COL5A1: variants seen among roughly 807,000 people sequenced by gnomAD.
COL5A1 encodes collagen alpha-1(V) chain.
Under a neutral mutation model 263.7 loss-of-function variants are expected in COL5A1, and 16 were observed. That is an observed-to-expected ratio of 0.06 (90% CI 0.04 to 0.09). The LOEUF (loss-of-function observed/expected upper bound fraction) is 0.09, where lower values mean the gene tolerates loss of function less well. Among genes scored for constraint, COL5A1 ranks in the 10% least tolerant of loss-of-function variants. The probability of loss-of-function intolerance (pLI) is 1.00; values close to 1 mark genes in which losing one functional copy is unlikely to be tolerated. For missense variants in COL5A1, 2,036 were observed against 2,540.5 expected, an observed-to-expected ratio of 0.80 and a Z score of 4.27; for synonymous variants, 1,012 against 1,004.5, an observed-to-expected ratio of 1.01 and a Z score of -0.14.
rs769616159 is a variant in COL5A1, at chr9:134,752,839, G to A, written c.1719+194G>A. On this transcript the variant is annotated intron_variant, in intron 14 of 65. Coordinates refer to ENST00000371817, the MANE Select transcript of COL5A1 (RefSeq NM_000093.5). ...GTGCTGCTCCAGCCCCCTTGTTGGT[G>A]GGGGGTGGGGATGGGTGACTGTGCC... Among the ~76,000 whole-genome samples, 129 of 152,094 alleles carry A rather than the reference G, an allele frequency of 8.5e-4. 1 individual carries two copies. Among genetic ancestry groups the A allele is most frequent in the Non-Finnish European group, 9.1e-4 (62 of 67,986 alleles).
chr9:134,754,268 G>T lies in COL5A1; in HGVS notation c.1774-5G>T, dbSNP rs986884167. ...CACTGACCCTTTGTCTCTTACCCCT[G>T]GCAGGGTCCTCGAGGTGTGCAAGGC... is the stretch of plus-strand genomic sequence containing the variant. On this transcript the variant is annotated splice_polypyrimidine_tract_variant and splice_region_variant and intron_variant, in intron 15 of 65. Transcript: ENST00000371817. This position sits in a 1 kb window ranked among gnomAD's most constrained non-coding sequence, Gnocchi z 4.3. The T allele has an allele frequency of 6.2e-7, 1 of 1,613,758 alleles. No individual in the cohort carries two copies. Among genetic ancestry groups the T allele is most frequent in the Non-Finnish European group, 8.5e-7 (1 of 1,180,018 alleles).
intron 4 of COL5A1, among the ~76,000 whole-genome samples, chr9:134,710,845 T>G (rs1588460151): frequency 1.5e-4 from 7 of 46,566 alleles, no homozygotes; most frequent in Admixed American, 3.3e-4. Flanking sequence ...GGTGCAGTGG[T>G]GGGGGAGGGG....
intron 19 of COL5A1, among the ~76,000 whole-genome samples, chr9:134,762,328 C>A (rs1403606807): frequency 6.6e-6 from 1 of 152,234 alleles, no homozygotes; most frequent in Non-Finnish European, 1.5e-5. Flanking sequence ...CTCTGCTTAT[C>A]TCGTCCAGAT....
intron 50 of COL5A1, among the ~76,000 whole-genome samples, chr9:134,815,310 G>A (rs1324675699): frequency 1.3e-5 from 2 of 152,232 alleles, no homozygotes; most frequent in African/African-American, 4.8e-5. Context: ...ACCTGTGGGC[G>A]GAACGCCTGC....
chr9:134,710,564 G>GGGGA (rs1833994657), intron 4 of COL5A1, among the ~76,000 whole-genome samples: 1 of 125,610 alleles, frequency 8.0e-6, no homozygotes, highest in Non-Finnish European at 1.7e-5. Context: ...TGGTGGGGGG[G>GGGGA]CCCCATTTGT....
At chr9:134,811,238 G>A (rs1175866679) in intron 44 of COL5A1, 101 bp from the exon 45 acceptor site, 5 of 1,019,496 alleles carry the variant, frequency 4.9e-6, no homozygotes, top group African/African-American at 1.6e-5. Flanking sequence ...AACTGACGAC[G>A]TTGGATGCAT....
intron 2 of COL5A1, among the ~76,000 whole-genome samples, chr9:134,697,444 T>C (rs565615087): frequency 1.3e-5 from 2 of 152,212 alleles, no homozygotes; most frequent in South Asian, 4.1e-4. Context: ...GAGACATGAG[T>C]GTGCGCAACT....
rs1837857257 is a variant in COL5A1 at position 134,795,243 on chromosome 9, T to G, written c.2746-19T>G. The G allele has an allele frequency of 6.2e-7, 1 of 1,613,756 alleles. No homozygotes were observed. The highest frequency in any genetic ancestry group is 1.7e-5 in the Admixed American group (1 of 59,992). ...GTGTCGGGACTTGAGCTGACCTTCC[T>G]TCTCTCCCATCTGTCCAGGGTCCGA... is the stretch of plus-strand genomic sequence containing the variant. On this transcript the variant is annotated intron_variant, in intron 33 of 65. Transcript: ENST00000371817.
intron 11 of COL5A1, among the ~76,000 whole-genome samples, chr9:134,748,158 C>T (rs561964660): frequency 1.3e-5 from 2 of 151,246 alleles, no homozygotes; most frequent in South Asian, 4.2e-4. Context: ...TTCACACATT[C>T]CACACGTGCA....
intron 9 of COL5A1, chr9:134,732,355 G>C: frequency 1.6e-6 from 1 of 629,652 alleles, no homozygotes; most frequent in Non-Finnish European, 2.9e-6. Flanking sequence ...GGGCGGGATA[G>C]GTGCTGATCA....
chr9:134,691,221 C>A, intron 2 of COL5A1, 142 bp downstream of exon 2: 1 of 1,079,742 alleles, frequency 9.3e-7, no homozygotes. Flanking sequence ...GGCTTCGTTT[C>A]ACTGTAGTGA....
Position 134,780,119 on chromosome 9 carries a change from T to C in COL5A1, c.2403T>C (p.Arg801=). The C allele has an allele frequency of 6.2e-7, 1 of 1,613,412 alleles. No homozygotes were observed. The highest frequency in any genetic ancestry group is 8.5e-7 in the Non-Finnish European group (1 of 1,180,016). Residue 801 remains arginine, a synonymous_variant, in exon 28 of 66, where the codon CGT becomes CGC. Coordinates refer to ENST00000371817, the MANE Select transcript of COL5A1 (RefSeq NM_000093.5). ...CCGCACAGGGGGCCGATGGCATCCG[T>C]GGTCTGAAGGGCACAAAGGGCGAGA... is the stretch of plus-strand genomic sequence containing the variant. ...PRGVKGADGI[R]GLKGTKGEKG... is the part of the protein sequence containing the mutation.
intron 1 of COL5A1, among the ~76,000 whole-genome samples, chr9:134,648,465 C>T (rs1041100790): frequency 2.6e-5 from 4 of 151,992 alleles, no homozygotes; most frequent in Admixed American, 1.3e-4. Flanking sequence ...GACAGGCAGC[C>T]GGCAAGACTC....
At chr9:134,787,852 A>G (rs1837518870) in intron 31 of COL5A1, among the ~76,000 whole-genome samples, 1 of 152,140 alleles carries the variant, frequency 6.6e-6, no homozygotes. Flanking sequence ...CCACCCTCCT[A>G]TGGATATGGG....
chr9:134,642,214 G>A lies in COL5A1; in HGVS notation c.27G>A (p.Ala9=). Residue 9 remains alanine (A), a synonymous_variant, in exon 1 of 66, where the codon GCG becomes GCA. Coordinates refer to ENST00000371817, the MANE Select transcript of COL5A1 (RefSeq NM_000093.5). The surrounding 1 kb of genome is among the most constrained non-coding windows in gnomAD (Gnocchi z 4.5). Reference sequence around the variant, plus strand: ...TGGACGTCCATACCCGCTGGAAAGCGCGCAGCGCGCTCCGCCCGGGCGCCC... The same window carrying A: ...TGGACGTCCATACCCGCTGGAAAGCACGCAGCGCGCTCCGCCCGGGCGCCC... MDVHTRWK[A]RSALRPGAPL... The A allele has an allele frequency of 7.7e-7, 1 of 1,304,232 alleles. No homozygotes were observed. Among genetic ancestry groups the A allele is most frequent in the Non-Finnish European group, 9.8e-7 (1 of 1,023,474 alleles). 80.8% of individuals were successfully genotyped at this position (1,304,232 alleles called of 1,614,324 possible).
In COL5A1 at chr9:134,757,974, A is replaced by G. The variant is rs1022227322; in HGVS notation, c.1882-269A>G. On this transcript the variant is annotated intron_variant, in intron 17 of 65. Transcript: ENST00000371817. The surrounding 1 kb of genome is among the most constrained non-coding windows in gnomAD (Gnocchi z 6.2). ...ACTGCAGCGGTCGCTGAAATACCGC[A>G]TGACTAAGGACCCGTCGGGGCCTGG... is the stretch of plus-strand genomic sequence containing the variant. Among the ~76,000 whole-genome samples the G allele has an allele frequency of 1.3e-5, 2 of 152,184 alleles. No individual in the cohort carries two copies. The highest frequency in any genetic ancestry group is 2.9e-5 in the Non-Finnish European group (2 of 68,028).
chr9:134,669,191 TCCTTTC>T (rs1167637089), intron 1 of COL5A1, among the ~76,000 whole-genome samples: 5 of 147,600 alleles, frequency 3.4e-5, no homozygotes, highest in African/African-American at 5.0e-5. Flanking sequence ...CTTTCACTTT[TCCTTTC>T]CCTTTCCCTT....
At chr9:134,643,890 G>A (rs768925591) in intron 1 of COL5A1, among the ~76,000 whole-genome samples, 2 of 152,102 alleles carry the variant, frequency 1.3e-5, no homozygotes, top group Admixed American at 6.5e-5. Context: ...ACCATGCACC[G>A]GACTGGGCTT....
intron 27 of COL5A1, among the ~76,000 whole-genome samples, chr9:134,779,594 T>C (rs551092649): frequency 1.7e-4 from 26 of 152,080 alleles, no homozygotes; most frequent in Middle Eastern, 3.4e-3. Flanking sequence ...CTCCCAACAG[T>C]GGTAACGAGG....
Sources: allele counts gnomAD v4.1 joint callset (sites outside exome capture counted in the v4.1 genomes callset), GRCh38; gene constraint gnomAD v4.1.1; non-coding constraint Gnocchi (gnomAD v3.1); transcripts MANE v1.5; gene names NCBI Gene and HGNC (gene_info 2026-07-23, HGNC 2026-07-21).